The following RRP1B variants were observed in gnomAD, a reference collection of about 807,000 sequenced individuals.
RRP1B encodes the protein ribosomal RNA processing 1B, also known as ribosomal RNA processing protein 1 homolog B.
RRP1B carries 56 observed loss-of-function variants against 80.2 expected under a neutral mutation model. The ratio of observed to expected loss-of-function variants is 0.70; its 90% CI spans 0.56 to 0.87. The LOEUF (loss-of-function observed/expected upper bound fraction) is 0.87, where lower values mean the gene tolerates loss of function less well. Among genes scored for constraint, RRP1B ranks in the 40% least tolerant of loss-of-function variants. The pLI is 0.00. For synonymous variants in RRP1B, 351 were observed against 357.6 expected (o/e 0.98, Z 0.21); for missense variants, 807 against 939.8 (o/e 0.86, Z 1.85).
chr21:43,695,060 G>C lies in RRP1B; in HGVS notation c.*1677G>C, dbSNP rs977806741. On this transcript the variant is annotated 3_prime_UTR_variant, in exon 16 of 16. Coordinates refer to ENST00000340648, the MANE Select transcript of RRP1B (RefSeq NM_015056.3). ...TCGTCACTGTAATGAGAAGTCTTAC[G>C]TACAACATAGCTGTGGTGGCTTAAT... 1.8e-5 allele frequency: 2 copies of C among 108,676 alleles called. No individual in the cohort carries two copies. Among genetic ancestry groups the C allele is most frequent in the East Asian group, 2.9e-4 (1 of 3,508 alleles). The allele number at this position is 108,676 out of a possible 1,614,324, so 6.7% of individuals were successfully genotyped here. A position where few individuals can be genotyped will look rare whatever the true frequency, so the allele number is the denominator to read the frequency against.
rs1568962191 is a variant in RRP1B, at chr21:43,693,185, G to A, written c.2084-5G>A. 6.2e-7 allele frequency: 1 copy of A among 1,613,890 alleles called. No homozygotes were observed. Among genetic ancestry groups the A allele is most frequent in the Non-Finnish European group, 8.5e-7 (1 of 1,179,916 alleles). On this transcript the variant is annotated splice_polypyrimidine_tract_variant and splice_region_variant and intron_variant, in intron 15 of 15. Coordinates refer to ENST00000340648, the MANE Select transcript of RRP1B (RefSeq NM_015056.3). The surrounding 1 kb of genome is among the most constrained non-coding windows in gnomAD (Gnocchi z 4.1). ...AATATGGGGCCTTGCTCTCATTTGG[G>A]ACAGAATTCAAGAAGACAGACAAGA...
Sources: allele counts gnomAD v4.1 joint callset, GRCh38; gene constraint gnomAD v4.1.1; non-coding constraint Gnocchi (gnomAD v3.1); transcripts MANE v1.5; gene names NCBI Gene and HGNC (gene_info 2026-07-23, HGNC 2026-07-21).